TSPAN18: variants seen among roughly 807,000 people sequenced by gnomAD.
The protein encoded by TSPAN18 is tetraspanin 18.
Under a neutral mutation model 27.3 loss-of-function variants are expected in TSPAN18, and 14 were observed. The ratio of observed to expected loss-of-function variants is 0.51; its 90% confidence interval spans 0.34 to 0.80. TSPAN18 has a LOEUF of 0.80. TSPAN18 is among the 30% of genes least tolerant of loss of function. TSPAN18 has a pLI of 0.01. For missense variants in TSPAN18, 268 were observed against 323.9 expected, an observed-to-expected ratio of 0.83 and a Z score of 1.32; for synonymous variants, 143 against 136.5, an observed-to-expected ratio of 1.05 and a Z score of -0.33.
intron 2 of TSPAN18, among the ~76,000 whole-genome samples, chr11:44,767,534 T>G (rs1855595388): frequency 6.6e-6 from 1 of 152,070 alleles, no homozygotes; most frequent in Non-Finnish European, 1.5e-5. Context: ...GAAATGAAAG[T>G]CTCCTGATGT....
rs550871251 is a variant in TSPAN18 at position 44,896,571 on chromosome 11, C to T, written c.-10-9836C>T. 7.9e-5 allele frequency among the ~76,000 whole-genome samples: 12 copies of T among 152,246 alleles called. No homozygotes were observed. The South Asian group carries it at 8.3e-4, about 11-fold the overall frequency. ...TAGGCCAAATAGGGGTGCCAGCTCC[C>T]GGGGCTGTGGCCATGTCTCAGGAGG... On this transcript the variant is annotated intron_variant, in intron 3 of 9. Coordinates refer to ENST00000520358, the MANE Select transcript of TSPAN18 (RefSeq NM_130783.5).
At chr11:44,791,731 G>A (rs563877832) in intron 2 of TSPAN18, among the ~76,000 whole-genome samples, 97 of 152,304 alleles carry the variant, frequency 6.4e-4, no homozygotes, top group African/African-American at 2.3e-3. Flanking sequence ...GGACAGTGGC[G>A]TTGCCAGAGA....
intron 3 of TSPAN18, among the ~76,000 whole-genome samples, chr11:44,889,836 G>C (rs1858784595): frequency 6.6e-6 from 1 of 152,180 alleles, no homozygotes; most frequent in South Asian, 2.1e-4. Context: ...GAAAAACAGA[G>C]ACTCTTGGGC....
At chr11:44,782,008 C>T (rs934980814) in intron 2 of TSPAN18, among the ~76,000 whole-genome samples, 1 of 152,172 alleles carries the variant, frequency 6.6e-6, no homozygotes, top group African/African-American at 2.4e-5. Context: ...TACATTGGTG[C>T]CTGTTTTAGT....
At chr11:44,915,256 C>T (rs985360388) in intron 5 of TSPAN18, among the ~76,000 whole-genome samples, 4 of 152,190 alleles carry the variant, frequency 2.6e-5, no homozygotes. Context: ...GATGGCCATC[C>T]ATCACCAGCC....
At position 44,930,672 on chromosome 11, in the gene TSPAN18, T is replaced by A. The variant is rs1860526864; in HGVS notation, c.*1494T>A. The A allele has an allele frequency of 2.7e-6, 1 of 368,424 alleles. No individual in the cohort carries two copies. Among genetic ancestry groups the A allele is most frequent in the South Asian group, 2.0e-5 (1 of 50,108 alleles). 22.8% of individuals were successfully genotyped at this position (368,424 alleles called of 1,614,324 possible). On this transcript the variant is annotated 3_prime_UTR_variant, in exon 10 of 10. Transcript: ENST00000520358. ...TGCAAGATGCTCCTACCCTGATAGATCAGGGGTGGCTGCTGGAGGCTGTGC... is the reference window on the plus strand; with the variant it reads ...TGCAAGATGCTCCTACCCTGATAGAACAGGGGTGGCTGCTGGAGGCTGTGC...
chr11:44,737,727 C>T (rs1854831143), intron 1 of TSPAN18, among the ~76,000 whole-genome samples: 1 of 152,070 alleles, frequency 6.6e-6, no homozygotes. Context: ...TGACCTCTGC[C>T]CCCTCCCCAC....
At chr11:44,795,175 G>T (rs1334696238) in intron 2 of TSPAN18, among the ~76,000 whole-genome samples, 2 of 150,700 alleles carry the variant, frequency 1.3e-5, no homozygotes, top group Admixed American at 1.3e-4. Context: ...TACCACCTGG[G>T]CTCCTTCAAC....
chr11:44,745,844 G>T (rs921387768), intron 1 of TSPAN18, among the ~76,000 whole-genome samples: 2 of 152,152 alleles, frequency 1.3e-5, no homozygotes, highest in African/African-American at 4.8e-5. Flanking sequence ...TGGCTAACAC[G>T]GTGAAACCCC....
chr11:44,771,339 A>G (rs1308125334), intron 2 of TSPAN18, among the ~76,000 whole-genome samples: 1 of 152,210 alleles, frequency 6.6e-6, no homozygotes, highest in Non-Finnish European at 1.5e-5. Flanking sequence ...TCTCTGTCAG[A>G]TCATTCATTC....
At chr11:44,844,576 C>T (rs1293060465) in intron 2 of TSPAN18, among the ~76,000 whole-genome samples, 1 of 152,166 alleles carries the variant, frequency 6.6e-6, no homozygotes, top group African/African-American at 2.4e-5. Context: ...TTGCATTTCC[C>T]TGGTAGTAAG....
At chr11:44,774,804 T>TTG (rs1855767410) in intron 2 of TSPAN18, among the ~76,000 whole-genome samples, 1 of 152,038 alleles carries the variant, frequency 6.6e-6, no homozygotes, top group African/African-American at 2.4e-5. Flanking sequence ...AGCACTTTGG[T>TTG]TGTGTGTGTG....
chr11:44,831,469 G>C (rs1857152289), intron 2 of TSPAN18, among the ~76,000 whole-genome samples: 1 of 152,154 alleles, frequency 6.6e-6, no homozygotes, highest in South Asian at 2.1e-4. Context: ...GCCCTCACAA[G>C]CCCCAGGGGA....
intron 1 of TSPAN18, among the ~76,000 whole-genome samples, chr11:44,746,618 A>T (rs1855083202): frequency 6.6e-6 from 1 of 151,950 alleles, no homozygotes; most frequent in South Asian, 2.1e-4. Context: ...TTAGCTGCAG[A>T]TGGTGGTGCA....
Position 44,908,782 on chromosome 11 carries a change from A to AGAAAG in TSPAN18, c.64-922_64-918dup, listed in dbSNP as rs1554938078. Among the ~76,000 whole-genome samples the AGAAAG allele has an allele frequency of 4.7e-3, 539 of 115,538 alleles. 40 individuals are homozygous for AGAAAG. Among genetic ancestry groups the AGAAAG allele is most frequent in the African/African-American group, 6.8e-3 (178 of 26,264 alleles). 75.8% of individuals were successfully genotyped at this position (115,538 alleles called of 152,430 possible). A position where few individuals can be genotyped will look rare whatever the true frequency, so the allele number is the denominator to read the frequency against. On this transcript the variant is annotated intron_variant, in intron 4 of 9. Coordinates refer to ENST00000520358, the MANE Select transcript of TSPAN18 (RefSeq NM_130783.5). ...AGAGAGAGAAAGGAGAAAGAAAGAA[A>AGAAAG]GAAAGAAAGAAAGAAAGAAAGAAAG... is the stretch of plus-strand genomic sequence containing the variant.
intron 2 of TSPAN18, among the ~76,000 whole-genome samples, chr11:44,812,062 A>T (rs1024767780): frequency 6.6e-6 from 1 of 152,142 alleles, no homozygotes; most frequent in Admixed American, 6.5e-5. Flanking sequence ...ATCACTCTCA[A>T]TGAGTAATCA....
intron 4 of TSPAN18, among the ~76,000 whole-genome samples, chr11:44,908,816 A>G (rs71491852): frequency 7.0e-5 from 10 of 142,976 alleles, no homozygotes; most frequent in South Asian, 5.0e-4. Flanking sequence ...AGAAAGAAAG[A>G]AAGAAAGAAA....
At chr11:44,815,334 A>C (rs1022307871) in intron 2 of TSPAN18, among the ~76,000 whole-genome samples, 1 of 152,132 alleles carries the variant, frequency 6.6e-6, no homozygotes, top group Non-Finnish European at 1.5e-5. Flanking sequence ...GCCCATGTGC[A>C]CTCCCAGAAG....
intron 2 of TSPAN18, among the ~76,000 whole-genome samples, chr11:44,817,171 C>T (rs1013992766): frequency 1.2e-4 from 18 of 152,300 alleles, no homozygotes; most frequent in African/African-American, 3.8e-4. Context: ...ATGGCATGCA[C>T]GGTGGGCCAT....
Sources: allele counts gnomAD v4.1 joint callset (sites outside exome capture counted in the v4.1 genomes callset), GRCh38; gene constraint gnomAD v4.1.1; transcripts MANE v1.5; gene names NCBI Gene and HGNC (gene_info 2026-07-23, HGNC 2026-07-21).